Variants in PHEX observed in about 807,000 individuals in gnomAD.
PHEX encodes phosphate-regulating neutral endopeptidase PHEX.
Under a neutral mutation model 68.0 loss-of-function variants are expected in PHEX, and 16 were observed. That is an observed-to-expected ratio of 0.24 (90% CI 0.16 to 0.36). The LOEUF is 0.36. PHEX is among the 10% of genes least tolerant of loss of function. The probability of loss-of-function intolerance (pLI) is 1.00; values close to 1 mark genes in which losing one functional copy is unlikely to be tolerated. For synonymous variants in PHEX, 208 were observed against 205.1 expected (o/e 1.01, Z -0.12); for missense variants, 480 against 575.5 (o/e 0.83, Z 1.70).
chrX:22,213,786 T>C (rs1935004349), intron 16 of PHEX, among the ~76,000 whole-genome samples: 1 of 112,620 alleles, frequency 8.9e-6, no homozygotes, highest in Non-Finnish European at 1.9e-5. Context: ...TTTAAAAATA[T>C]GTAGGTTTAA....
chrX:22,222,702 A>G (rs935153390), intron 18 of PHEX, among the ~76,000 whole-genome samples: 1 of 112,141 alleles, frequency 8.9e-6, no homozygotes, highest in African/African-American at 3.2e-5. Context: ...AAGGGAATTT[A>G]TATTTCCTGA....
chrX:22,146,633 G>T (rs929232752), intron 12 of PHEX, among the ~76,000 whole-genome samples: 1 of 110,141 alleles, frequency 9.1e-6, no homozygotes, highest in Non-Finnish European at 1.9e-5. Flanking sequence ...CCTGGCCAAC[G>T]TGGCGAAATC....
intron 3 of PHEX, among the ~76,000 whole-genome samples, chrX:22,056,711 G>A (rs7051882): frequency 0.044 from 4,728 of 107,760 alleles, 94 homozygotes; most frequent in African/African-American, 0.075. Flanking sequence ...GCAGTGAGCC[G>A]AAATCGCTCC....
chrX:22,227,745 T>G, intron 20 of PHEX, 134 bp downstream of exon 20: 1 of 505,998 alleles, frequency 2.0e-6, no homozygotes, highest in Admixed American at 2.7e-5. Flanking sequence ...CTTGATTATT[T>G]TCAGGGTAAA....
At chrX:22,214,793 G>C (rs768262861) in intron 16 of PHEX, among the ~76,000 whole-genome samples, 2 of 111,739 alleles carry the variant, frequency 1.8e-5, no homozygotes, top group Non-Finnish European at 3.8e-5. Context: ...GGCAGCCATC[G>C]ATAAAGCTTA....
intron 21 of PHEX, among the ~76,000 whole-genome samples, chrX:22,247,543 A>G (rs1476919816): frequency 1.8e-5 from 2 of 112,395 alleles, no homozygotes; most frequent in Non-Finnish European, 3.7e-5. Context: ...ACTTTATGTC[A>G]GTTATACTTT....
chrX:22,070,406 G>A (rs1472461306), intron 3 of PHEX, among the ~76,000 whole-genome samples: 2 of 112,093 alleles, frequency 1.8e-5, no homozygotes, highest in African/African-American at 6.5e-5. Context: ...CTGGCCAGGT[G>A]TAGTGGCTCA....
intron 7 of PHEX, among the ~76,000 whole-genome samples, chrX:22,094,371 G>A (rs1386774681): frequency 1.8e-5 from 2 of 112,105 alleles, no homozygotes; most frequent in African/African-American, 3.2e-5. Flanking sequence ...CTCAGCTGTG[G>A]CCAAAGAATA....
At chrX:22,173,128 A>G (rs1317101441) in intron 13 of PHEX, 1 of 111,559 alleles carries the variant, frequency 9.0e-6, no homozygotes, top group Non-Finnish European at 1.9e-5. Flanking sequence ...GAGGTTGTTA[A>G]AATATTAAAA....
At position 22,178,318 on chromosome X, in the gene PHEX, C is replaced by T. The variant is rs2147128178; in HGVS notation, c.1528C>T (p.Arg510Cys). Reference sequence around the variant, plus strand: ...CTACTTTGGCAACGTCCTACAAACTCGCAAGTATTTAGCACAGTCTGATTT... The same window carrying T: ...CTACTTTGGCAACGTCCTACAAACTTGCAAGTATTTAGCACAGTCTGATTT... ...ADYFGNVLQTRKYLAQSDFFW... is the reference protein window; with the variant it reads ...ADYFGNVLQTCKYLAQSDFFW... The change falls in exon 14 of 22, where the codon CGC becomes TGC. Residue 510 changes from arginine to cysteine, a missense_variant. By Grantham distance (180) the Arg-to-Cys change is radical (BLOSUM62 -3). Transcript: ENST00000379374. 4 of 1,204,796 alleles carry T rather than the reference C, an allele frequency of 3.3e-6. No individual in the cohort carries two copies. Among genetic ancestry groups the T allele is most frequent in the Non-Finnish European group, 4.5e-6 (4 of 890,295 alleles).
At chrX:22,149,179 A>G (rs942230455) in intron 12 of PHEX, among the ~76,000 whole-genome samples, 1 of 111,909 alleles carries the variant, frequency 8.9e-6, no homozygotes, top group Non-Finnish European at 1.9e-5. Context: ...TTGTTTAGCT[A>G]AGGTGAAGGG....
chrX:22,050,573 GAAAAAAAAAAA>G (rs5901695), intron 3 of PHEX, among the ~76,000 whole-genome samples: 6 of 49,625 alleles, frequency 1.2e-4, no homozygotes, highest in Non-Finnish European at 2.3e-4. Context: ...TTCATCTCAG[GAAAAAAAAAAA>G]AAAAAAAAAC....
chrX:22,079,394 A>G (rs1028498078), intron 5 of PHEX, among the ~76,000 whole-genome samples: 32 of 112,176 alleles, frequency 2.9e-4, no homozygotes, highest in Admixed American at 2.8e-3. Flanking sequence ...TTCTGCAGTT[A>G]TGTTTTAATC....
At chrX:22,239,002 C>A (rs1936086021) in intron 20 of PHEX, among the ~76,000 whole-genome samples, 1 of 111,654 alleles carries the variant, frequency 9.0e-6, no homozygotes, top group African/African-American at 3.3e-5. Context: ...GGCAGGTGCC[C>A]CTCTGTGGAC....
chrX:22,099,624 G>A (rs1930330251), intron 9 of PHEX, among the ~76,000 whole-genome samples: 1 of 111,009 alleles, frequency 9.0e-6, no homozygotes, highest in Admixed American at 9.6e-5. Flanking sequence ...AAATTGCACG[G>A]ATAAAACAAC....
chrX:22,239,578 G>C (rs1801568065), intron 20 of PHEX, among the ~76,000 whole-genome samples: 1 of 110,559 alleles, frequency 9.0e-6, no homozygotes, highest in Admixed American at 9.8e-5. Context: ...CACAGCACGA[G>C]AACTTTGTGA....
At chrX:22,112,834 C>T (rs1414428489) in intron 10 of PHEX, among the ~76,000 whole-genome samples, 2 of 110,325 alleles carry the variant, frequency 1.8e-5, no homozygotes, top group East Asian at 5.7e-4. Context: ...ATCCGGGAGG[C>T]GGAGGCTACA....
intron 12 of PHEX, among the ~76,000 whole-genome samples, chrX:22,156,433 A>T (rs892896601): frequency 9.2e-6 from 1 of 108,915 alleles, no homozygotes; most frequent in Non-Finnish European, 1.9e-5. Context: ...TAAGGGAAGC[A>T]TGGAGAAAGC....
At chrX:22,221,507 C>T in intron 17 of PHEX, 106 bp from the exon 18 acceptor site, 1 of 669,807 alleles carries the variant, frequency 1.5e-6, no homozygotes, top group Non-Finnish European at 2.4e-6. Context: ...AGAGTGTTCC[C>T]TGCTGTTATG....
Sources: gnomAD v4.1 joint callset for allele counts (sites outside exome capture counted in the v4.1 genomes callset) on GRCh38, gnomAD v4.1.1 for gene constraint, MANE v1.5 for transcripts, NCBI Gene and HGNC (gene_info 2026-07-23, HGNC 2026-07-21) for gene names.